Variants in NRG1 observed in about 807,000 individuals in gnomAD.
NRG1 encodes pro-neuregulin-1, membrane-bound isoform.
NRG1 carries 18 observed loss-of-function variants against 63.8 expected under a neutral mutation model. The ratio of observed to expected loss-of-function variants is 0.28; its 90% confidence interval spans 0.19 to 0.42. The LOEUF (loss-of-function observed/expected upper bound fraction) is 0.42, where lower values mean the gene tolerates loss of function less well. Ranked by LOEUF, NRG1 falls within the 10% of genes least tolerant of loss-of-function variation. The probability of loss-of-function intolerance (pLI) is 1.00; values close to 1 mark genes in which losing one functional copy is unlikely to be tolerated. For synonymous variants in NRG1, 302 were observed against 301.3 expected (o/e 1.00, Z -0.02); for missense variants, 762 against 814.7 (o/e 0.94, Z 0.79).
intron 1 of NRG1, among the ~76,000 whole-genome samples, chr8:32,446,785 A>G (rs1016121035): frequency 2.0e-5 from 3 of 152,088 alleles, no homozygotes; most frequent in South Asian, 2.1e-4. Context: ...TTGGGTTACT[A>G]AAGTCTTGAG....
At chr8:31,757,054 T>G (rs1817038993) in intron 1 of NRG1, among the ~76,000 whole-genome samples, 1 of 152,192 alleles carries the variant, frequency 6.6e-6, no homozygotes, top group Non-Finnish European at 1.5e-5. Flanking sequence ...TCCTTTGGAT[T>G]TTTGCAGCAC....
chr8:31,750,664 A>G (rs1816366846), intron 1 of NRG1, among the ~76,000 whole-genome samples: 2 of 151,936 alleles, frequency 1.3e-5, no homozygotes, highest in Non-Finnish European at 2.9e-5. Flanking sequence ...TGCTATATAA[A>G]TCACATCTCA....
rs1158823990 is a variant in NRG1 at position 31,947,965 on chromosome 8, A to AC, written c.37+308534_37+308535insC. Among the ~76,000 whole-genome samples, 50 of 149,672 alleles carry AC rather than the reference A, an allele frequency of 3.3e-4. 1 individual carries two copies. The highest frequency in any genetic ancestry group is 1.1e-3 in the African/African-American group (46 of 40,226). On this transcript the variant is annotated intron_variant, in intron 1 of 10. Coordinates refer to the NRG1 transcript ENST00000519301. ...ATCTCAAAAAAAAAAAAAAAAAAAA[A>AC]AAAAAAACTACTACTTATCAAGGAA...
At chr8:32,215,957 C>T (rs1845181500) in intron 1 of NRG1, among the ~76,000 whole-genome samples, 2 of 151,808 alleles carry the variant, frequency 1.3e-5, no homozygotes, top group Admixed American at 6.6e-5. Flanking sequence ...AGGAGAATTG[C>T]TTGAACCTGG....
intron 1 of NRG1, among the ~76,000 whole-genome samples, chr8:31,681,843 A>T (rs1039089903): frequency 1.3e-5 from 2 of 152,018 alleles, no homozygotes; most frequent in Admixed American, 1.3e-4. Flanking sequence ...TAGAGCAGAA[A>T]ATAGAGTTCC....
chr8:32,282,021 T>C (rs1852919451), intron 1 of NRG1, among the ~76,000 whole-genome samples: 1 of 152,180 alleles, frequency 6.6e-6, no homozygotes, highest in Non-Finnish European at 1.5e-5. Flanking sequence ...CAACTGCCTT[T>C]CTGAAAACTT....
intron 1 of NRG1, among the ~76,000 whole-genome samples, chr8:32,341,615 C>G (rs1804087990): frequency 6.6e-6 from 1 of 152,152 alleles, no homozygotes; most frequent in African/African-American, 2.4e-5. Flanking sequence ...GCCCAGGCCA[C>G]ATAGGCACAG....
At chr8:31,915,925 A>G (rs1021745182) in intron 1 of NRG1, among the ~76,000 whole-genome samples, 11 of 152,174 alleles carry the variant, frequency 7.2e-5, no homozygotes, top group African/African-American at 2.7e-4. Context: ...GATGTTTTAA[A>G]TAAGCATTTC....
At chr8:32,687,365 G>A (rs548429210) in intron 5 of NRG1, among the ~76,000 whole-genome samples, 2 of 152,188 alleles carry the variant, frequency 1.3e-5, no homozygotes, top group South Asian at 4.1e-4. Context: ...GTGGGTATGT[G>A]CATTGAAAGA....
intron 1 of NRG1, among the ~76,000 whole-genome samples, chr8:31,950,315 T>A (rs1193752405): frequency 6.6e-6 from 1 of 152,242 alleles, no homozygotes; most frequent in Non-Finnish European, 1.5e-5. Flanking sequence ...TTTCCATTTC[T>A]TTTTAAGTAG....
At chr8:32,336,602 G>T (rs1050734206) in intron 1 of NRG1, among the ~76,000 whole-genome samples, 8 of 152,068 alleles carry the variant, frequency 5.3e-5, no homozygotes, top group African/African-American at 1.9e-4. Context: ...ATGGTAGAGT[G>T]GACATTTTTT....
At chr8:32,727,906 A>T (rs1822611338) in intron 5 of NRG1, 43 bp from the exon 6 acceptor site, 1 of 1,595,796 alleles carries the variant, frequency 6.3e-7, no homozygotes, top group Non-Finnish European at 8.6e-7. Flanking sequence ...TAGAAGGGGG[A>T]AAAAAAGTCC....
intron 1 of NRG1, among the ~76,000 whole-genome samples, chr8:32,588,444 A>G (rs1172673037): frequency 6.6e-6 from 1 of 152,158 alleles, no homozygotes; most frequent in Non-Finnish European, 1.5e-5. Flanking sequence ...AAAATCCCCC[A>G]CCAAAGGAAA....
intron 5 of NRG1, among the ~76,000 whole-genome samples, chr8:32,634,456 C>G (rs769924261): frequency 5.9e-5 from 9 of 152,266 alleles, no homozygotes; most frequent in African/African-American, 2.2e-4. Context: ...TATTTTGATT[C>G]ATGTACTTAC....
intron 1 of NRG1, among the ~76,000 whole-genome samples, chr8:32,090,089 A>T (rs1255253097): frequency 1.3e-5 from 2 of 152,200 alleles, no homozygotes; most frequent in South Asian, 2.1e-4. Context: ...AGGTTCATAC[A>T]TAGAGTCCAC....
intron 1 of NRG1, among the ~76,000 whole-genome samples, chr8:32,108,303 C>T (rs962489882): frequency 5.3e-5 from 8 of 152,100 alleles, no homozygotes; most frequent in African/African-American, 1.9e-4. Context: ...AATTTGTTTT[C>T]TGTTCTGGAG....
intron 1 of NRG1, among the ~76,000 whole-genome samples, chr8:32,403,653 T>A (rs1040184094): frequency 2.0e-5 from 3 of 152,178 alleles, no homozygotes; most frequent in Non-Finnish European, 4.4e-5. Context: ...TTTTTTGAGA[T>A]ATAGATAGTA....
chr8:31,929,088 C>T (rs770898167), intron 1 of NRG1, among the ~76,000 whole-genome samples: 9 of 152,132 alleles, frequency 5.9e-5, no homozygotes, highest in Non-Finnish European at 1.3e-4. Flanking sequence ...GGATCTGAGA[C>T]AAGCTATGAT....
Position 32,483,788 on chromosome 8 carries a change from A to G in NRG1, c.38-112040A>G, listed in dbSNP as rs897883560. On this transcript the variant is annotated intron_variant, in intron 1 of 10. Coordinates refer to the NRG1 transcript ENST00000519301. ...TTTCACAGTTTCCATCACTGCCTCC[A>G]ATGTCCACCGACGTTAGAAAGTTTG... Among the ~76,000 whole-genome samples the G allele has an allele frequency of 5.3e-5, 8 of 152,132 alleles. No individual in the cohort carries two copies. The East Asian group carries it at 1.5e-3, about 29-fold the overall frequency.
Sources: allele counts gnomAD v4.1 joint callset (sites outside exome capture counted in the v4.1 genomes callset), GRCh38; gene constraint gnomAD v4.1.1; transcripts MANE v1.5; gene names NCBI Gene and HGNC (gene_info 2026-07-23, HGNC 2026-07-21).